The following KCNMA1 variants were observed in gnomAD, a reference collection of about 807,000 sequenced individuals.
KCNMA1 encodes the protein potassium calcium-activated channel subfamily M alpha 1.
A neutral mutation model predicts 140.0 loss-of-function variants in KCNMA1; 29 were observed. The ratio of observed to expected loss-of-function variants is 0.21; its 90% CI spans 0.15 to 0.28. The LOEUF is 0.28. Ranked by LOEUF, KCNMA1 falls within the 10% of genes least tolerant of loss-of-function variation. KCNMA1 has a pLI of 1.00. For missense variants in KCNMA1, 880 were observed against 1,602.2 expected (o/e 0.55, Z 7.70); for synonymous variants, 612 against 611.9 (o/e 1.00, Z 0.00).
chr10:77,135,804 C>T (rs1184448056), intron 5 of KCNMA1, among the ~76,000 whole-genome samples: 1 of 151,846 alleles, frequency 6.6e-6, no homozygotes, highest in Non-Finnish European at 1.5e-5. Context: ...GGGGCTGGGG[C>T]GGTTGGAGGG....
intron 14 of KCNMA1, among the ~76,000 whole-genome samples, chr10:77,069,651 T>A (rs977183077): frequency 6.6e-6 from 1 of 152,170 alleles, no homozygotes; most frequent in Non-Finnish European, 1.5e-5. Flanking sequence ...CAGAGATATA[T>A]CCACATAGGA....
At chr10:77,503,376 C>T (rs1351324872) in intron 1 of KCNMA1, among the ~76,000 whole-genome samples, 3 of 152,012 alleles carry the variant, frequency 2.0e-5, no homozygotes, top group African/African-American at 7.3e-5. Context: ...CCTCTTTCTC[C>T]CTAGCACCAA....
downstream of KCNMA1, among the ~76,000 whole-genome samples, chr10:76,882,589 T>C (rs2035112603): frequency 6.6e-6 from 1 of 152,150 alleles, no homozygotes; most frequent in Admixed American, 6.5e-5. Flanking sequence ...GCAATTACCG[T>C]TTATGAAAAA....
intron 3 of KCNMA1, among the ~76,000 whole-genome samples, chr10:77,212,023 T>G (rs1319028462): frequency 2.6e-5 from 4 of 152,226 alleles, no homozygotes; most frequent in Non-Finnish European, 5.9e-5. Flanking sequence ...TCAGCCAATG[T>G]GGAAAGCAGT....
At chr10:77,354,934 T>C (rs1298973367) in intron 2 of KCNMA1, among the ~76,000 whole-genome samples, 2 of 152,218 alleles carry the variant, frequency 1.3e-5, no homozygotes, top group Non-Finnish European at 2.9e-5. Flanking sequence ...CCAAAACATA[T>C]GCCTTCTGAG....
chr10:77,142,810 A>T (rs1001923403), intron 5 of KCNMA1, among the ~76,000 whole-genome samples: 5 of 152,146 alleles, frequency 3.3e-5, no homozygotes, highest in Non-Finnish European at 7.3e-5. Flanking sequence ...TGTCTCCAAA[A>T]CTTGACACCC....
At chr10:76,922,753 G>C (rs1313112570) in intron 23 of KCNMA1, among the ~76,000 whole-genome samples, 1 of 152,202 alleles carries the variant, frequency 6.6e-6, no homozygotes, top group East Asian at 1.9e-4. Context: ...TAAAACCAGA[G>C]ACATTCCAGT....
rs1367844064 is a variant in KCNMA1 at position 77,079,672 on chromosome 10, T to C, written c.1524-122A>G. On this transcript the variant is annotated intron_variant, in intron 12 of 27. Coordinates refer to ENST00000286628, the MANE Select transcript of KCNMA1 (RefSeq NM_001161352.2). ...GACTGAGGTAGGAGGCAGGACTTGA[T>C]TCCAGAGGCAGGGCTCAGATACCAG... 3 of 741,070 alleles carry C rather than the reference T, an allele frequency of 4.0e-6. No homozygotes were observed. The East Asian group carries it at 7.9e-5, about 20-fold the overall frequency. The allele number at this position is 741,070 out of a possible 1,614,324, so 45.9% of individuals were successfully genotyped here. A position where few individuals can be genotyped will look rare whatever the true frequency, so the allele number is the denominator to read the frequency against.
chr10:76,886,010 A>G lies in KCNMA1; in HGVS notation c.*1256T>C, dbSNP rs202243236. ...AAGTGATGATGAGGAATTCCTTCCC[A>G]CCAGCTTTCTGCATTGGGACAGCCA... On this transcript the variant is annotated 3_prime_UTR_variant, in exon 28 of 28. Coordinates refer to ENST00000286628, the MANE Select transcript of KCNMA1 (RefSeq NM_001161352.2). 68 of 985,292 alleles carry G rather than the reference A, an allele frequency of 6.9e-5. No homozygotes were observed. The highest frequency in any genetic ancestry group is 7.7e-5 in the Non-Finnish European group (64 of 829,950). The allele number at this position is 985,292 out of a possible 1,614,324, so 61.0% of individuals were successfully genotyped here.
At chr10:77,569,239 A>G (rs1429437860) in intron 1 of KCNMA1, among the ~76,000 whole-genome samples, 1 of 83,152 alleles carries the variant, frequency 1.2e-5, no homozygotes, top group African/African-American at 4.4e-5. Context: ...AAACTACTTT[A>G]AAGTTCATAT....
At chr10:77,266,646 CTT>C (rs1011440343) in intron 2 of KCNMA1, among the ~76,000 whole-genome samples, 4 of 152,172 alleles carry the variant, frequency 2.6e-5, no homozygotes, top group African/African-American at 9.7e-5. Context: ...AAGATCAACT[CTT>C]AGGCTTCCCT....
At chr10:77,084,831 A>AAC in intron 11 of KCNMA1, 112 bp from the exon 12 acceptor site, 1 of 773,810 alleles carries the variant, frequency 1.3e-6, no homozygotes, top group Non-Finnish European at 2.2e-6. Flanking sequence ...GAAAAAAAAA[A>AAC]AACAATCCTG....
intron 1 of KCNMA1, among the ~76,000 whole-genome samples, chr10:77,411,693 C>G (rs2096622863): frequency 6.6e-6 from 1 of 152,216 alleles, no homozygotes; most frequent in South Asian, 2.1e-4. Flanking sequence ...CATGCCACTT[C>G]TGGGTACTGC....
intron 15 of KCNMA1, among the ~76,000 whole-genome samples, chr10:77,037,637 G>A (rs1318787060): frequency 6.6e-6 from 1 of 152,092 alleles, no homozygotes; most frequent in Non-Finnish European, 1.5e-5. Flanking sequence ...CACCAGTTAG[G>A]CCAGGGAAAC....
At chr10:77,257,937 T>C (rs768717373) in intron 2 of KCNMA1, among the ~76,000 whole-genome samples, 2 of 152,192 alleles carry the variant, frequency 1.3e-5, no homozygotes, top group East Asian at 1.9e-4. Context: ...TGGGTATGTC[T>C]TTATCAGCAG....
At chr10:77,144,921 C>G (rs1387949908) in intron 5 of KCNMA1, among the ~76,000 whole-genome samples, 1 of 152,204 alleles carries the variant, frequency 6.6e-6, no homozygotes, top group Non-Finnish European at 1.5e-5. Flanking sequence ...ATGACATCTA[C>G]TTCACAGACG....
In KCNMA1 at chr10:77,007,653, G is replaced by GTGTGTGTGTATATATATATATA; in HGVS notation, c.2092+4313_2092+4314insTATATATATATATACACACACA. On this transcript the variant is annotated intron_variant, in intron 18 of 27. Coordinates refer to ENST00000286628, the MANE Select transcript of KCNMA1 (RefSeq NM_001161352.2). ...ACATCATGGTACATATTGTGTGTGT[G>GTGTGTGTGTATATATATATATA]TATATATATATATATATATATATGT... Among the ~76,000 whole-genome samples, 71 of 88,462 alleles carry GTGTGTGTGTATATATATATATA rather than the reference G, an allele frequency of 8.0e-4. 2 individuals carry two copies. Among genetic ancestry groups the GTGTGTGTGTATATATATATATA allele is most frequent in the African/African-American group, 2.0e-3 (45 of 22,160 alleles). 58.0% of individuals were successfully genotyped at this position (88,462 alleles called of 152,430 possible). A position where few individuals can be genotyped will look rare whatever the true frequency, so the allele number is the denominator to read the frequency against.
intron 15 of KCNMA1, among the ~76,000 whole-genome samples, chr10:77,036,014 C>G (rs746932804): frequency 7.9e-5 from 12 of 152,196 alleles, no homozygotes; most frequent in Admixed American, 2.6e-4. Flanking sequence ...TAGATCCACC[C>G]TCACTCTGGA....
At chr10:77,326,524 T>A (rs1438722522) in intron 2 of KCNMA1, among the ~76,000 whole-genome samples, 1 of 151,910 alleles carries the variant, frequency 6.6e-6, no homozygotes, top group African/African-American at 2.4e-5. Flanking sequence ...AGCGTGGTGG[T>A]GGTGGTGGTG....
Sources: gnomAD v4.1 joint callset for allele counts (sites outside exome capture counted in the v4.1 genomes callset) on GRCh38, gnomAD v4.1.1 for gene constraint, MANE v1.5 for transcripts, NCBI Gene and HGNC (gene_info 2026-07-23, HGNC 2026-07-21) for gene names.